The following SCHIP1 variants were observed in gnomAD, a reference collection of about 807,000 sequenced individuals.
SCHIP1 encodes the protein schwannomin-interacting protein 1.
In SCHIP1, 8 loss-of-function variants were observed where a neutral mutation model predicts 29.7. That is an observed-to-expected ratio of 0.27 (90% CI 0.16 to 0.49). SCHIP1 has a LOEUF of 0.49. SCHIP1 is among the 20% of genes least tolerant of loss of function. The pLI is 0.99. For synonymous variants in SCHIP1, 76 were observed against 94.9 expected (o/e 0.80, Z 1.16); for missense variants, 193 against 294.6 (o/e 0.66, Z 2.52).
At chr3:159,367,285 G>T in the SCHIP1 span, among the ~76,000 whole-genome samples, 3 of 152,112 alleles carry the variant, frequency 2.0e-5, no homozygotes, top group Admixed American at 1.3e-4. Context: ...CCAGCTGCTC[G>T]GGAGGCTGAG....
the SCHIP1 span, among the ~76,000 whole-genome samples, chr3:159,334,681 C>A: frequency 6.6e-6 from 1 of 151,990 alleles, no homozygotes; most frequent in South Asian, 2.1e-4. Context: ...TAAAATAATG[C>A]TTTTGAGAGT....
chr3:159,855,401 C>G (rs1241964522), intron 1 of SCHIP1, among the ~76,000 whole-genome samples: 1 of 152,130 alleles, frequency 6.6e-6, no homozygotes, highest in East Asian at 1.9e-4. Flanking sequence ...TCTTCCTTTT[C>G]TAATTTTTTC....
At chr3:159,283,458 T>TTTTTTAC in the SCHIP1 span, among the ~76,000 whole-genome samples, 2 of 152,136 alleles carry the variant, frequency 1.3e-5, no homozygotes, top group Admixed American at 6.5e-5. Context: ...GCCCGGCATA[T>TTTTTTAC]TTTTTACTTT....
chr3:159,782,562 A>T, the SCHIP1 span, among the ~76,000 whole-genome samples: 3 of 152,336 alleles, frequency 2.0e-5, no homozygotes, highest in South Asian at 6.2e-4. Context: ...TCAAACATAA[A>T]TGCATGGCTT....
the SCHIP1 span, among the ~76,000 whole-genome samples, chr3:159,420,705 A>C: frequency 6.6e-6 from 1 of 152,234 alleles, no homozygotes; most frequent in Non-Finnish European, 1.5e-5. Flanking sequence ...TCAACCACTC[A>C]GAAATGGAGA....
At chr3:159,387,640 T>C in the SCHIP1 span, among the ~76,000 whole-genome samples, 1 of 152,186 alleles carries the variant, frequency 6.6e-6, no homozygotes, top group African/African-American at 2.4e-5. Context: ...ATTTTAGGCT[T>C]TCCAGGCTGC....
At chr3:159,565,054 ATGT>A in the SCHIP1 span, among the ~76,000 whole-genome samples, 1 of 151,918 alleles carries the variant, frequency 6.6e-6, no homozygotes, top group East Asian at 1.9e-4. Flanking sequence ...CAAACATGCA[ATGT>A]TGTTTTTTTA....
chr3:159,461,861 A>G, the SCHIP1 span, among the ~76,000 whole-genome samples: 6 of 152,188 alleles, frequency 3.9e-5, no homozygotes, highest in Admixed American at 3.9e-4. Flanking sequence ...TTAAATTGAT[A>G]GTAGATGATC....
intron 5 of SCHIP1, among the ~76,000 whole-genome samples, chr3:159,891,731 C>T (rs765596182): frequency 4.6e-5 from 7 of 152,088 alleles, no homozygotes; most frequent in South Asian, 2.1e-4. Flanking sequence ...TGACTGTCAG[C>T]GTGGCAGGAG....
chr3:159,887,595 G>A (rs1419599476), intron 3 of SCHIP1, 113 bp from the exon 5 acceptor site: 7 of 1,153,052 alleles, frequency 6.1e-6, no homozygotes, highest in Non-Finnish European at 8.8e-6. Context: ...CACATTGAGG[G>A]AGGGAACTCT....
chr3:159,880,578 ATAAG>A (rs1479855997), intron 2 of SCHIP1, among the ~76,000 whole-genome samples: 1 of 152,250 alleles, frequency 6.6e-6, no homozygotes, highest in African/African-American at 2.4e-5. Context: ...AAAAAGAAAC[ATAAG>A]TGAGTGAAGT....
intron 1 of SCHIP1, among the ~76,000 whole-genome samples, chr3:159,863,418 C>T (rs1237678069): frequency 6.6e-6 from 1 of 151,950 alleles, no homozygotes; most frequent in Non-Finnish European, 1.5e-5. Context: ...AAGGTAACTC[C>T]ATAGGATGGA....
chr3:159,897,203 C>T (rs1366894984), exon 7 of SCHIP1: 4 of 153,236 alleles, frequency 2.6e-5, no homozygotes, highest in Admixed American at 6.5e-5. Context: ...TTGTAGCTCT[C>T]CGTAATATGT....
At chr3:159,501,103 G>A in the SCHIP1 span, among the ~76,000 whole-genome samples, 2 of 152,122 alleles carry the variant, frequency 1.3e-5, no homozygotes, top group Non-Finnish European at 2.9e-5. Context: ...GCCAACTAGG[G>A]CTAGGACAAA....
chr3:159,627,404 C>A, the SCHIP1 span, among the ~76,000 whole-genome samples: 13 of 152,310 alleles, frequency 8.5e-5, 1 homozygote, highest in South Asian at 2.7e-3. Flanking sequence ...ATTTACTTGG[C>A]ACTGGCTGTC....
At chr3:159,329,447 A>G in the SCHIP1 span, among the ~76,000 whole-genome samples, 1 of 152,120 alleles carries the variant, frequency 6.6e-6, no homozygotes, top group Non-Finnish European at 1.5e-5. Flanking sequence ...GTAGCAAGAG[A>G]TGGGGCCTAT....
chr3:159,480,488 T>C, the SCHIP1 span, among the ~76,000 whole-genome samples: 1 of 152,168 alleles, frequency 6.6e-6, no homozygotes, highest in African/African-American at 2.4e-5. Context: ...AAAATGATGA[T>C]GGCTTGGAAT....
the SCHIP1 span, among the ~76,000 whole-genome samples, chr3:159,305,647 A>T: frequency 2.0e-5 from 3 of 152,196 alleles, no homozygotes; most frequent in Admixed American, 2.0e-4. Flanking sequence ...TAAGGGAGAA[A>T]GGAAGACAGA....
chr3:159,497,420 T>A, the SCHIP1 span, among the ~76,000 whole-genome samples: 1 of 151,962 alleles, frequency 6.6e-6, no homozygotes. Context: ...AAGATGTGTC[T>A]ATGCCACGCC....
Sources: gnomAD v4.1 joint callset for allele counts (sites outside exome capture counted in the v4.1 genomes callset) on GRCh38, gnomAD v4.1.1 for gene constraint, MANE v1.5 for transcripts, NCBI Gene and HGNC (gene_info 2026-07-23, HGNC 2026-07-21) for gene names.